RCL1: variants seen among roughly 807,000 people sequenced by gnomAD.
RCL1 encodes the protein RNA terminal phosphate cyclase like 1.
Under a neutral mutation model 42.4 loss-of-function variants are expected in RCL1, and 24 were observed. That is an observed-to-expected ratio of 0.57 (90% confidence interval 0.41 to 0.80). RCL1 has a LOEUF of 0.80. Ranked by LOEUF, RCL1 falls within the 30% of genes least tolerant of loss-of-function variation. The pLI is 0.00. For synonymous variants in RCL1, 228 were observed against 177.3 expected (o/e 1.29, Z -2.27); for missense variants, 578 against 467.9 (o/e 1.24, Z -2.17).
rs1332555032 is a variant in RCL1 at position 4,826,906 on chromosome 9, A to C, written c.257A>C (p.Glu86Ala). The C allele has an allele frequency of 1.2e-5, 19 of 1,614,038 alleles. No individual in the cohort carries two copies. Among genetic ancestry groups the C allele is most frequent in the Non-Finnish European group, 1.6e-5 (19 of 1,180,010 alleles). ...QPGLLYGGSV[E>A]HDCSVLRGIG... is the part of the protein sequence containing the mutation. ...GGCCTCCTGTATGGTGGATCTGTGG[A>C]ACATGACTGTAGCGTCCTTCGTGGC... Residue 86 changes from glutamate to alanine, a missense_variant, in exon 3 of 9, where the codon GAA becomes GCA. Glu to Ala is a moderately radical substitution (Grantham distance 107). Coordinates refer to ENST00000381750, the MANE Select transcript of RCL1 (RefSeq NM_005772.5).
intron 1 of RCL1, among the ~76,000 whole-genome samples, chr9:4,795,959 G>A (rs1233977277): frequency 6.6e-6 from 1 of 152,216 alleles, no homozygotes; most frequent in African/African-American, 2.4e-5. Flanking sequence ...CAGGGGCTCA[G>A]TGGAGTTCAG....
At chr9:4,841,750 C>G (rs531914069) in intron 6 of RCL1, among the ~76,000 whole-genome samples, 138 of 152,316 alleles carry the variant, frequency 9.1e-4, no homozygotes, top group African/African-American at 3.1e-3. Flanking sequence ...GTCAGCATCT[C>G]TCTTCATCAG....
intron 1 of RCL1, among the ~76,000 whole-genome samples, chr9:4,800,243 CTA>C (rs1331412619): frequency 6.6e-6 from 1 of 151,120 alleles, no homozygotes; most frequent in African/African-American, 2.4e-5. Context: ...TTTATGGTGT[CTA>C]GCTCTGTTGC....
intron 1 of RCL1, among the ~76,000 whole-genome samples, chr9:4,800,223 A>C (rs7045015): frequency 3.5e-5 from 5 of 144,774 alleles, no homozygotes; most frequent in East Asian, 4.0e-4. Context: ...TTTTTTTTTT[A>C]TTTTTATTTT....
intron 8 of RCL1, among the ~76,000 whole-genome samples, chr9:4,855,542 T>C (rs1402115888): frequency 2.6e-5 from 4 of 152,218 alleles, no homozygotes; most frequent in African/African-American, 9.6e-5. Context: ...TGGACAAGAC[T>C]TTGTTCAAGT....
At chr9:4,848,232 T>G (rs1348019927) in intron 7 of RCL1, among the ~76,000 whole-genome samples, 1 of 152,256 alleles carries the variant, frequency 6.6e-6, no homozygotes. Context: ...ACTCTCCTTG[T>G]CCTAGAATTT....
intron 1 of RCL1, among the ~76,000 whole-genome samples, chr9:4,815,339 A>C (rs545968796): frequency 1.6e-4 from 25 of 152,160 alleles, no homozygotes; most frequent in Non-Finnish European, 3.5e-4. Context: ...GTAATTTTGA[A>C]AGACTTATCT....
At chr9:4,795,065 G>A (rs1842892071) in intron 1 of RCL1, among the ~76,000 whole-genome samples, 1 of 150,832 alleles carries the variant, frequency 6.6e-6, no homozygotes. Flanking sequence ...CCTTGTAGAT[G>A]TTTGTCTGCT....
intron 1 of RCL1, among the ~76,000 whole-genome samples, chr9:4,795,024 C>T (rs770095790): frequency 9.2e-5 from 14 of 152,188 alleles, no homozygotes; most frequent in Non-Finnish European, 1.5e-4. Context: ...GTTATTTGTA[C>T]ATCCTTGCGC....
intron 8 of RCL1, among the ~76,000 whole-genome samples, chr9:4,850,716 T>G (rs538323773): frequency 6.6e-6 from 1 of 152,256 alleles, no homozygotes; most frequent in South Asian, 2.1e-4. Flanking sequence ...AATGCTAAAA[T>G]AGACTTGGTA....
At chr9:4,809,845 C>G (rs1816110069) in intron 1 of RCL1, among the ~76,000 whole-genome samples, 1 of 151,814 alleles carries the variant, frequency 6.6e-6, no homozygotes. Flanking sequence ...AAGATGGAGT[C>G]TCACTCTGTC....
chr9:4,812,948 T>G (rs1274331873), intron 1 of RCL1, among the ~76,000 whole-genome samples: 2 of 152,252 alleles, frequency 1.3e-5, no homozygotes, highest in Admixed American at 6.5e-5. Context: ...AATTTGTTTA[T>G]CAGTTCTAGG....
At chr9:4,795,577 C>T (rs1385757532) in intron 1 of RCL1, among the ~76,000 whole-genome samples, 3 of 152,070 alleles carry the variant, frequency 2.0e-5, no homozygotes, top group East Asian at 3.9e-4. Flanking sequence ...AAGATGTAGC[C>T]GGAAGCCTAT....
intron 1 of RCL1, among the ~76,000 whole-genome samples, chr9:4,799,762 A>G (rs1483949490): frequency 1.3e-5 from 2 of 152,098 alleles, no homozygotes; most frequent in East Asian, 1.9e-4. Context: ...CTGTATTTTT[A>G]TTTTTTGTCA....
chr9:4,849,197 A>G (rs908767364), intron 7 of RCL1, among the ~76,000 whole-genome samples: 2 of 151,040 alleles, frequency 1.3e-5, no homozygotes, highest in African/African-American at 4.9e-5. Context: ...AGATTCACTT[A>G]AGAAGATTTG....
intron 1 of RCL1, among the ~76,000 whole-genome samples, chr9:4,798,286 G>C (rs1465501846): frequency 3.3e-5 from 5 of 152,198 alleles, no homozygotes; most frequent in Admixed American, 3.3e-4. Flanking sequence ...TATAATGTGA[G>C]GTCTAAATGG....
At chr9:4,817,686 A>C (rs1040495576) in intron 1 of RCL1, among the ~76,000 whole-genome samples, 2 of 151,844 alleles carry the variant, frequency 1.3e-5, no homozygotes, top group Non-Finnish European at 2.9e-5. Context: ...TTGTAGGGTC[A>C]GGGTTTGGTC....
At chr9:4,812,242 T>G (rs906328250) in intron 1 of RCL1, among the ~76,000 whole-genome samples, 2 of 152,150 alleles carry the variant, frequency 1.3e-5, no homozygotes, top group East Asian at 3.8e-4. Context: ...TGAGGTCTTC[T>G]CCAGAAAATG....
At chr9:4,793,503 A>G (rs935118957) in intron 1 of RCL1, among the ~76,000 whole-genome samples, 2 of 152,268 alleles carry the variant, frequency 1.3e-5, no homozygotes, top group East Asian at 1.9e-4. Flanking sequence ...ACGTGTAGCA[A>G]CAAATCCCTG....
Sources: allele counts gnomAD v4.1 joint callset (sites outside exome capture counted in the v4.1 genomes callset), GRCh38; gene constraint gnomAD v4.1.1; transcripts MANE v1.5; gene names NCBI Gene and HGNC (gene_info 2026-07-23, HGNC 2026-07-21).